Variants in HLX observed in about 807,000 individuals in gnomAD.
The protein encoded by HLX is H2.0 like homeobox, also known as H2.0-like homeobox protein.
A neutral mutation model predicts 27.7 loss-of-function variants in HLX; 6 were observed. That is an observed-to-expected ratio of 0.22 (90% confidence interval 0.12 to 0.43). HLX has a LOEUF of 0.43. Among genes scored for constraint, HLX ranks in the 20% least tolerant of loss-of-function variants. The probability of loss-of-function intolerance (pLI) is 1.00; values close to 1 mark genes in which losing one functional copy is unlikely to be tolerated. For synonymous variants in HLX, 328 were observed against 293.8 expected (o/e 1.12, Z -1.19); for missense variants, 666 against 655.2 (o/e 1.02, Z -0.18).
chr1:220,879,929 G>T lies in HLX; in HGVS notation c.72G>T (p.Ser24=), dbSNP rs757694055. The change falls in exon 1 of 4, where the codon TCG becomes TCT. Residue 24 remains serine, a synonymous_variant. Coordinates refer to ENST00000366903, the MANE Select transcript of HLX (RefSeq NM_021958.4). ...FSLWSAAYCS[S]AGPGGCSFPL... is the part of the protein sequence containing the mutation. The stretch of plus-strand genomic sequence containing the variant: ...TCTGGTCGGCCGCTTACTGCTCCTC[G>T]GCCGGCCCAGGCGGCTGCTCCTTCC... 8.1e-6 allele frequency: 13 copies of T among 1,597,094 alleles called. No homozygotes were observed. The South Asian group carries it at 8.9e-5, about 11-fold the overall frequency.
At chr1:220,880,472 C>T (rs774802647) in intron 1 of HLX, 23 bp downstream of exon 1, 2 of 1,612,728 alleles carry the variant, frequency 1.2e-6, no homozygotes, top group East Asian at 2.2e-5. Flanking sequence ...CGGGAGGCTG[C>T]AGGCCTCTGA....
Position 220,884,168 on chromosome 1 carries a change from C to A in HLX, c.958-27C>A, listed in dbSNP as rs1674516962. On this transcript the variant is annotated intron_variant, in intron 3 of 3. Transcript: ENST00000366903. The surrounding 1 kb of genome is among the most constrained non-coding windows in gnomAD (Gnocchi z 4.9). ...CCTGGGTCTCATCTCGGTGTCTCTT[C>A]TTGTCTCCCGGTGTGGCGCGGCGCA... is the stretch of plus-strand genomic sequence containing the variant. 2 of 1,613,024 alleles carry A rather than the reference C, an allele frequency of 1.2e-6. No homozygotes were observed. The highest frequency in any genetic ancestry group is 4.5e-5 in the East Asian group (2 of 44,852).
In HLX at chr1:220,879,787, G is replaced by A. The variant is rs1571711321; in HGVS notation, c.-71G>A. Reference sequence around the variant, plus strand: ...TGCCGCCGCCTTCTCCGGGACTCGCGCGCCCCTCCCCGCGCGCCCACCCAC... The same window carrying A: ...TGCCGCCGCCTTCTCCGGGACTCGCACGCCCCTCCCCGCGCGCCCACCCAC... On this transcript the variant is annotated 5_prime_UTR_variant, in exon 1 of 4. Coordinates refer to ENST00000366903, the MANE Select transcript of HLX (RefSeq NM_021958.4). 4 of 1,471,178 alleles carry A rather than the reference G, an allele frequency of 2.7e-6. No individual in the cohort carries two copies. Among genetic ancestry groups the A allele is most frequent in the East Asian group, 5.3e-5 (2 of 37,894 alleles). 91.1% of individuals were successfully genotyped at this position (1,471,178 alleles called of 1,614,324 possible). A position where few individuals can be genotyped will look rare whatever the true frequency, so the allele number is the denominator to read the frequency against.
chr1:220,884,654 A>C lies in HLX; in HGVS notation c.1417A>C (p.Ser473Arg). ...LLPATQPTAS[S>R]APKSPEPAQG... Reference sequence around the variant, plus strand: ...CCCTGCAACACAGCCCACAGCCAGCAGCGCTCCCAAAAGCCCCGAGCCAGC... The same window carrying C: ...CCCTGCAACACAGCCCACAGCCAGCCGCGCTCCCAAAAGCCCCGAGCCAGC... The change falls in exon 4 of 4, where the codon AGC (serine) becomes CGC (arginine). Residue 473 changes from serine (S) to arginine (R), a missense_variant. Physicochemically the swap from Ser to Arg is moderately radical, Grantham distance 110 (BLOSUM62 -1). Coordinates refer to ENST00000366903, the MANE Select transcript of HLX (RefSeq NM_021958.4). The surrounding 1 kb of genome is among the most constrained non-coding windows in gnomAD (Gnocchi z 4.9). 1.9e-6 allele frequency: 3 copies of C among 1,611,034 alleles called. No individual in the cohort carries two copies. The highest frequency in any genetic ancestry group is 1.1e-5 in the South Asian group (1 of 90,950).
rs1264883674 is a variant in HLX, at chr1:220,884,710, A to C, written c.*6A>C. On this transcript the variant is annotated 3_prime_UTR_variant, in exon 4 of 4. Coordinates refer to ENST00000366903, the MANE Select transcript of HLX (RefSeq NM_021958.4). The surrounding 1 kb of genome is among the most constrained non-coding windows in gnomAD (Gnocchi z 4.9). ...GCGCGCTTGGCTGCTTATAGACTGT[A>C]CTAGGGCGGAGGGGATCCGGGCCTT... 1 of 1,607,562 alleles carries C rather than the reference A, an allele frequency of 6.2e-7. No individual in the cohort carries two copies. Among genetic ancestry groups the C allele is most frequent in the South Asian group, 1.1e-5 (1 of 90,758 alleles).
intron 1 of HLX, chr1:220,880,985 T>G (rs139017815): frequency 1.6e-6 from 1 of 607,066 alleles, no homozygotes; most frequent in East Asian, 2.8e-5. Flanking sequence ...ACTATATACA[T>G]GCATATGGAC....
At chr1:220,882,136 C>T (rs1674467785) in intron 2 of HLX, 28 bp from the exon 3 acceptor site, 1 of 1,612,028 alleles carries the variant, frequency 6.2e-7, no homozygotes, top group African/African-American at 1.3e-5. Context: ...TCTTGTCTTT[C>T]TTCCCTCTGG....
At position 220,879,600 on chromosome 1, in the gene HLX, G is replaced by A; in HGVS notation, c.-258G>A. 1 of 541,308 alleles carries A rather than the reference G, an allele frequency of 1.8e-6. No homozygotes were observed. The highest frequency in any genetic ancestry group is 3.1e-6 in the Non-Finnish European group (1 of 321,598). 33.5% of individuals were successfully genotyped at this position (541,308 alleles called of 1,614,324 possible). On this transcript the variant is annotated 5_prime_UTR_variant, in exon 1 of 4. Coordinates refer to ENST00000366903, the MANE Select transcript of HLX (RefSeq NM_021958.4). The stretch of plus-strand genomic sequence containing the variant: ...CCCCAGCGCCCCTCGCTCTCATCCA[G>A]CCCGCGAGGAGTGCGGGCGCCGCGC...
Position 220,884,775 on chromosome 1 carries a change from C to CTGTA in HLX, c.*75_*78dup. Reference sequence around the variant, plus strand: ...AACCATGGGCTGGGTTTTGTGCTTACTGTATGTTGGCGACTTGGTAGGGCA... The same window carrying CTGTA: ...AACCATGGGCTGGGTTTTGTGCTTACTGTATGTATGTTGGCGACTTGGTAGGGCA... On this transcript the variant is annotated 3_prime_UTR_variant, in exon 4 of 4. Coordinates refer to ENST00000366903, the MANE Select transcript of HLX (RefSeq NM_021958.4). This position sits in a 1 kb window ranked among gnomAD's most constrained non-coding sequence, Gnocchi z 4.9. 1 of 1,566,398 alleles carries CTGTA rather than the reference C, an allele frequency of 6.4e-7. No homozygotes were observed. The highest frequency in any genetic ancestry group is 8.6e-7 in the Non-Finnish European group (1 of 1,162,646).
chr1:220,879,902 C>T lies in HLX; in HGVS notation c.45C>T (p.Ser15=), dbSNP rs765955392. 101 of 1,594,514 alleles carry T rather than the reference C, an allele frequency of 6.3e-5. No individual in the cohort carries two copies. The highest frequency in any genetic ancestry group is 1.1e-4 in the African/African-American group (8 of 74,734). The change falls in exon 1 of 4, where the codon AGC becomes AGT. Residue 15 remains serine, a synonymous_variant. Coordinates refer to ENST00000366903, the MANE Select transcript of HLX (RefSeq NM_021958.4). ...GLAPFYASNF[S]LWSAAYCSSA... ...CTCCCTTCTACGCCTCCAACTTCAG[C>T]CTCTGGTCGGCCGCTTACTGCTCCT...
Position 220,884,477 on chromosome 1 carries a change from G to A in HLX, c.1240G>A (p.Ala414Thr), listed in dbSNP as rs370407346. 1.2e-5 allele frequency: 19 copies of A among 1,614,002 alleles called. No homozygotes were observed. The African/African-American group carries it at 2.5e-4, about 22-fold the overall frequency. Residue 414 changes from alanine (A) to threonine (T), a missense_variant, in exon 4 of 4, where the codon GCC becomes ACC. Physicochemically the swap from Ala to Thr is moderately conservative, Grantham distance 58. Coordinates refer to ENST00000366903, the MANE Select transcript of HLX (RefSeq NM_021958.4). The surrounding 1 kb of genome is among the most constrained non-coding windows in gnomAD (Gnocchi z 4.9). Reference sequence around the variant, plus strand: ...AGTTATTAAGGCCCCGGTCACTGGCGCCCTCATTACCGCCAGCAGTGCTGG... The same window carrying A: ...AGTTATTAAGGCCCCGGTCACTGGCACCCTCATTACCGCCAGCAGTGCTGG... The part of the protein sequence containing the change: ...TTVIKAPVTG[A>T]LITASSAGSG...
intron 3 of HLX, chr1:220,883,864 T>G: frequency 3.1e-5 from 11 of 356,096 alleles, no homozygotes; most frequent in Non-Finnish European, 4.7e-5. Flanking sequence ...ATTACATGGA[T>G]TTAGAGTAGA....
intron 2 of HLX, 80 bp from the exon 3 acceptor site, chr1:220,882,084 A>AC (rs1164591722): frequency 4.5e-6 from 6 of 1,322,910 alleles, no homozygotes; most frequent in African/African-American, 2.9e-5. Context: ...CCTTACGGGG[A>AC]CCCCCAGGCT....
intron 3 of HLX, 96 bp downstream of exon 3, chr1:220,882,444 C>A: frequency 8.9e-7 from 1 of 1,127,252 alleles, no homozygotes; most frequent in Non-Finnish European, 1.3e-6. Flanking sequence ...CGACTGGCCT[C>A]CTGCGGTGCA....
Position 220,879,933 on chromosome 1 carries a change from G to T in HLX, c.76G>T (p.Gly26Cys), listed in dbSNP as rs551071906. 4 of 1,597,628 alleles carry T rather than the reference G, an allele frequency of 2.5e-6. No homozygotes were observed. In the African/African-American group the frequency reaches 5.3e-5, roughly 21 times the overall value. The part of the protein sequence containing the change: ...LWSAAYCSSA[G>C]PGGCSFPLDP... ...GTCGGCCGCTTACTGCTCCTCGGCC[G>T]GCCCAGGCGGCTGCTCCTTCCCCTT... Residue 26 changes from glycine to cysteine, a missense_variant, in exon 1 of 4, where the codon GGC becomes TGC. By Grantham distance (159) the Gly-to-Cys change is radical. Coordinates refer to ENST00000366903, the MANE Select transcript of HLX (RefSeq NM_021958.4).
rs1317637642 is a variant in HLX at position 220,880,172 on chromosome 1, G to A, written c.315G>A (p.Pro105=). The part of the protein sequence containing the change: ...PTPVVAPSEV[P]AGFPQRLSPL... The stretch of plus-strand genomic sequence containing the variant: ...CAGTGGTGGCGCCCTCCGAAGTCCC[G>A]GCTGGCTTCCCGCAGCGGCTGTCTC... Residue 105 remains proline (P), a synonymous_variant, in exon 1 of 4, where the codon CCG becomes CCA. Transcript: ENST00000366903. 3 of 1,612,846 alleles carry A rather than the reference G, an allele frequency of 1.9e-6. No individual in the cohort carries two copies. Among genetic ancestry groups the A allele is most frequent in the African/African-American group, 1.3e-5 (1 of 74,880 alleles).
rs772207440 is a variant in HLX, at chr1:220,881,185, T to C, written c.593-9T>C. 1 of 1,612,808 alleles carries C rather than the reference T, an allele frequency of 6.2e-7. No individual in the cohort carries two copies. The highest frequency in any genetic ancestry group is 1.7e-5 in the Admixed American group (1 of 59,960). On this transcript the variant is annotated splice_polypyrimidine_tract_variant and intron_variant, in intron 1 of 3. Transcript: ENST00000366903. ...GATGTAACCTGCTATCCTTTTCCCT[T>C]GTCCCCAGATCTCACTTCCCTGCTA...
intron 1 of HLX, chr1:220,880,901 G>T: frequency 2.2e-6 from 1 of 449,140 alleles, no homozygotes; most frequent in Non-Finnish European, 4.0e-6. Context: ...TGGGGCGGAG[G>T]TTTTGCGTCT....
chr1:220,881,853 G>C, intron 2 of HLX: 1 of 441,126 alleles, frequency 2.3e-6, no homozygotes, highest in Non-Finnish European at 4.2e-6. Flanking sequence ...TCAGGCCCAA[G>C]GGACATTTTT....
Sources: allele counts gnomAD v4.1 joint callset, GRCh38; gene constraint gnomAD v4.1.1; non-coding constraint Gnocchi (gnomAD v3.1); transcripts MANE v1.5; gene names NCBI Gene and HGNC (gene_info 2026-07-23, HGNC 2026-07-21).